Variants in CACNA2D3 observed in about 807,000 individuals in gnomAD.
CACNA2D3 encodes the protein calcium voltage-gated channel auxiliary subunit alpha2delta 3, also known as voltage-dependent calcium channel subunit alpha-2/delta-3.
In CACNA2D3, 60 loss-of-function variants were observed where a neutral mutation model predicts 160.6. That is an observed-to-expected ratio of 0.37 (90% confidence interval 0.30 to 0.46). The LOEUF is 0.46. Ranked by LOEUF, CACNA2D3 falls within the 20% of genes least tolerant of loss-of-function variation. The pLI is 1.00. For missense variants in CACNA2D3, 1,205 were observed against 1,365.0 expected (o/e 0.88, Z 1.85); for synonymous variants, 558 against 492.9 (o/e 1.13, Z -1.75).
intron 35 of CACNA2D3, among the ~76,000 whole-genome samples, chr3:55,066,142 G>A (rs1365394818): frequency 2.0e-5 from 3 of 152,170 alleles, no homozygotes; most frequent in African/African-American, 7.2e-5. Flanking sequence ...GTGGGGGATA[G>A]GGCCACTTTC....
intron 9 of CACNA2D3, 25 bp from the exon 10 acceptor site, chr3:54,627,762 T>C (rs1377923470): frequency 1.3e-6 from 2 of 1,520,848 alleles, no homozygotes; most frequent in Non-Finnish European, 9.1e-7. Flanking sequence ...CAGACACTAA[T>C]GGATTTTCTG....
In CACNA2D3 at chr3:55,059,825, C is replaced by T. The variant is rs547378211; in HGVS notation, c.2988-13620C>T. 4.6e-5 allele frequency among the ~76,000 whole-genome samples: 7 copies of T among 152,030 alleles called. 1 individual carries two copies. In the South Asian group the frequency reaches 1.5e-3, roughly 32 times the overall value. ...GGATGGAATGGGAAGATGATCTTCC[C>T]CTGGAGTTCAGCTATCCCACACCCG... On this transcript the variant is annotated intron_variant, in intron 35 of 37. Transcript: ENST00000474759.
chr3:54,833,855 G>A (rs1703930703), intron 14 of CACNA2D3, among the ~76,000 whole-genome samples: 2 of 152,088 alleles, frequency 1.3e-5, no homozygotes, highest in South Asian at 4.1e-4. Flanking sequence ...GGTATACATA[G>A]GAAAGCCTAC....
At chr3:54,504,360 C>T (rs1559499637) in intron 5 of CACNA2D3, among the ~76,000 whole-genome samples, 1 of 152,108 alleles carries the variant, frequency 6.6e-6, no homozygotes, top group Non-Finnish European at 1.5e-5. Flanking sequence ...CTGGTCAGAC[C>T]GTGTTCTACT....
chr3:54,776,239 T>G (rs1416823614), intron 13 of CACNA2D3, among the ~76,000 whole-genome samples: 1 of 152,210 alleles, frequency 6.6e-6, no homozygotes, highest in Non-Finnish European at 1.5e-5. Context: ...GGAGGCTGCC[T>G]GCAGTGGCTT....
At chr3:54,499,985 G>T (rs1215955310) in intron 4 of CACNA2D3, among the ~76,000 whole-genome samples, 1 of 152,092 alleles carries the variant, frequency 6.6e-6, no homozygotes, top group East Asian at 1.9e-4. Context: ...TGATACAGGG[G>T]CATTTAAGTC....
At chr3:54,969,882 A>G in intron 29 of CACNA2D3, 38 bp downstream of exon 29, 7 of 1,575,758 alleles carry the variant, frequency 4.4e-6, no homozygotes, top group Non-Finnish European at 5.2e-6. Flanking sequence ...ACCCCTGTGG[A>G]TAGAAGGTGA....
At chr3:54,325,517 T>G (rs1270997048) in intron 3 of CACNA2D3, among the ~76,000 whole-genome samples, 1 of 152,192 alleles carries the variant, frequency 6.6e-6, no homozygotes, top group African/African-American at 2.4e-5. Context: ...GAACCTCCTC[T>G]GGTCTTCTCA....
chr3:54,137,337 A>G lies in CACNA2D3; in HGVS notation c.204+13743A>G, dbSNP rs376788853. ...AGCACAGTTGAGTGGCCATTCTCCA[A>G]TTTGTGAGATGGAGGGAAATTTGTT... On this transcript the variant is annotated intron_variant, in intron 2 of 37. Coordinates refer to ENST00000474759, the MANE Select transcript of CACNA2D3 (RefSeq NM_018398.3). 2.2e-4 allele frequency among the ~76,000 whole-genome samples: 33 copies of G among 152,300 alleles called. No homozygotes were observed. In the South Asian group the frequency reaches 5.8e-3, roughly 27 times the overall value.
intron 35 of CACNA2D3, among the ~76,000 whole-genome samples, chr3:55,067,758 G>A (rs528159709): frequency 5.6e-5 from 8 of 141,838 alleles, no homozygotes; most frequent in East Asian, 2.3e-4. Flanking sequence ...AAGACAGAGC[G>A]ATAGATATAT....
chr3:54,804,869 A>G (rs527348568), intron 13 of CACNA2D3, among the ~76,000 whole-genome samples: 69 of 152,344 alleles, frequency 4.5e-4, no homozygotes, highest in African/African-American at 1.5e-3. Flanking sequence ...CCACAGTGCA[A>G]TCAAACTAGA....
In CACNA2D3 at chr3:54,763,303, A is replaced by G. The variant is rs568761677; in HGVS notation, c.1247-915A>G. ...ATGCCTGAGAGAACATAGGCAAAAA[A>G]CATATCCCCCATCTGCATCGGTCAT... On this transcript the variant is annotated intron_variant, in intron 12 of 37. Coordinates refer to ENST00000474759, the MANE Select transcript of CACNA2D3 (RefSeq NM_018398.3). 9.2e-5 allele frequency among the ~76,000 whole-genome samples: 14 copies of G among 152,124 alleles called. No homozygotes were observed. The East Asian group carries it at 2.3e-3, about 25-fold the overall frequency.
intron 13 of CACNA2D3, among the ~76,000 whole-genome samples, chr3:54,782,620 C>T (rs921293931): frequency 6.6e-6 from 1 of 152,056 alleles, no homozygotes; most frequent in African/African-American, 2.4e-5. Context: ...GTCATCTTCA[C>T]TCTTTGCGGT....
intron 34 of CACNA2D3, among the ~76,000 whole-genome samples, chr3:55,011,122 A>C (rs1703201985): frequency 6.6e-6 from 1 of 152,246 alleles, no homozygotes. Flanking sequence ...GATGGAGCAG[A>C]ATCTGCTGAG....
chr3:54,534,117 G>A (rs1701848989), intron 5 of CACNA2D3, among the ~76,000 whole-genome samples: 2 of 152,052 alleles, frequency 1.3e-5, no homozygotes, highest in African/African-American at 2.4e-5. Context: ...CCTGGTCCAG[G>A]CTGCCGTCTT....
rs1209209965 is a variant in CACNA2D3 at position 54,122,875 on chromosome 3, G to A, written c.122+40G>A. 3.3e-6 allele frequency: 4 copies of A among 1,213,038 alleles called. No homozygotes were observed. In the East Asian group the frequency reaches 1.3e-4, roughly 40 times the overall value. 75.1% of individuals were successfully genotyped at this position (1,213,038 alleles called of 1,614,324 possible). ...CTGCGCCGCCCGGGGAGGGGACCTT[G>A]CCGCCTGCGACCCACTGTGCCCAAG... On this transcript the variant is annotated intron_variant, in intron 1 of 37. Transcript: ENST00000474759.
chr3:54,728,877 C>A (rs1207968813), intron 11 of CACNA2D3, among the ~76,000 whole-genome samples: 1 of 152,202 alleles, frequency 6.6e-6, no homozygotes, highest in Non-Finnish European at 1.5e-5. Context: ...TGGTCAGGTT[C>A]TCTGCTTAAC....
Position 54,929,633 on chromosome 3 carries a change from A to G in CACNA2D3, c.2449+29765A>G, listed in dbSNP as rs535794969. On this transcript the variant is annotated intron_variant, in intron 27 of 37. Coordinates refer to ENST00000474759, the MANE Select transcript of CACNA2D3 (RefSeq NM_018398.3). ...CTGCCATCTTTTGTCCTTCTCTCCA[A>G]CATTTTTTTGAGCATCACACATACA... Among the ~76,000 whole-genome samples, 6 of 152,184 alleles carry G rather than the reference A, an allele frequency of 3.9e-5. No homozygotes were observed. In the South Asian group the frequency reaches 8.3e-4, roughly 21 times the overall value.
rs188638523 is a variant in CACNA2D3 at position 54,715,456 on chromosome 3, A to G, written c.1168-37143A>G. On this transcript the variant is annotated intron_variant, in intron 11 of 37. Transcript: ENST00000474759. ...CTGAGTTTTTTATGAAGGATTCATTATGTCCACTTGTTTATTAACTCAACA... is the reference window on the plus strand; with the variant it reads ...CTGAGTTTTTTATGAAGGATTCATTGTGTCCACTTGTTTATTAACTCAACA... Among the ~76,000 whole-genome samples the G allele has an allele frequency of 3.6e-3, 553 of 152,160 alleles. 5 individuals are homozygous for G. Among genetic ancestry groups the G allele is most frequent in the African/African-American group, 0.013 (527 of 41,508 alleles).
Sources: allele counts gnomAD v4.1 joint callset (sites outside exome capture counted in the v4.1 genomes callset), GRCh38; gene constraint gnomAD v4.1.1; transcripts MANE v1.5; gene names NCBI Gene and HGNC (gene_info 2026-07-23, HGNC 2026-07-21).